Variants in PCNX1 observed in about 807,000 individuals in gnomAD.
The protein encoded by PCNX1 is pecanex-like protein 1.
Under a neutral mutation model 242.2 loss-of-function variants are expected in PCNX1, and 78 were observed. The ratio of observed to expected loss-of-function variants is 0.32; its 90% CI spans 0.27 to 0.39. The LOEUF (loss-of-function observed/expected upper bound fraction) is 0.39, where lower values mean the gene tolerates loss of function less well. Ranked by LOEUF, PCNX1 falls within the 10% of genes least tolerant of loss-of-function variation. The pLI, the probability that PCNX1 is intolerant of heterozygous loss-of-function variation, is 1.00. For missense variants in PCNX1, 2,581 were observed against 2,856.5 expected (o/e 0.90, Z 2.20); for synonymous variants, 1,024 against 1,032.9 (o/e 0.99, Z 0.17).
chr14:70,973,638 C>T (rs910748790), intron 5 of PCNX1, among the ~76,000 whole-genome samples: 10 of 151,484 alleles, frequency 6.6e-5, no homozygotes, highest in African/African-American at 9.7e-5. Flanking sequence ...TGAGGGATTT[C>T]GATTTTGTAA....
chr14:71,109,671 GATT>G, intron 35 of PCNX1, 79 bp downstream of exon 35: 1 of 1,575,826 alleles, frequency 6.3e-7, no homozygotes, highest in Non-Finnish European at 8.7e-7. Context: ...GGTTTTAGCT[GATT>G]TATACTTAAA....
At chr14:70,970,705 G>C (rs954416277) in intron 5 of PCNX1, among the ~76,000 whole-genome samples, 34 of 152,196 alleles carry the variant, frequency 2.2e-4, no homozygotes, top group African/African-American at 8.2e-4. Flanking sequence ...GGACCAGATA[G>C]CTTTGTAGGC....
chr14:70,978,509 G>A lies in PCNX1; in HGVS notation c.2172G>A (p.Glu724=). ...KPLTTSKSDL[E]AKEGEVLDEL... ...TAACCACTTCAAAATCAGATCTTGA[G>A]GCCAAAGAGGGAGAGGTGCTAGATG... Residue 724 remains glutamate, a synonymous_variant, in exon 6 of 36, where the codon GAG becomes GAA. Transcript: ENST00000304743. 2 of 1,614,142 alleles carry A rather than the reference G, an allele frequency of 1.2e-6. No homozygotes were observed. Among genetic ancestry groups the A allele is most frequent in the Non-Finnish European group, 8.5e-7 (1 of 1,180,014 alleles).
chr14:71,051,679 A>G (rs2061039644), intron 23 of PCNX1, among the ~76,000 whole-genome samples: 1 of 152,230 alleles, frequency 6.6e-6, no homozygotes, highest in Middle Eastern at 3.2e-3. Context: ...CTTTGAAAGC[A>G]GCATACCAGG....
chr14:71,041,358 T>G (rs1370864288), intron 19 of PCNX1, among the ~76,000 whole-genome samples: 1 of 152,170 alleles, frequency 6.6e-6, no homozygotes, highest in Non-Finnish European at 1.5e-5. Flanking sequence ...TGACTTTTTA[T>G]TATGGCTTTG....
chr14:71,103,505 G>A lies in PCNX1; in HGVS notation c.5931G>A (p.Leu1977=). 6.2e-7 allele frequency: 1 copy of A among 1,614,182 alleles called. No homozygotes were observed. Among genetic ancestry groups the A allele is most frequent in the African/African-American group, 1.3e-5 (1 of 75,046 alleles). The change falls in exon 32 of 36, where the codon CTG becomes CTA. Residue 1977 remains leucine (L), a synonymous_variant. Coordinates refer to ENST00000304743, the MANE Select transcript of PCNX1 (RefSeq NM_014982.3). Reference sequence around the variant, plus strand: ...GCATCCAAAATGCAAAGCAAGCCCTGAGAAACATGATAAACTCATCTTGTG... The same window carrying A: ...GCATCCAAAATGCAAAGCAAGCCCTAAGAAACATGATAAACTCATCTTGTG... The part of the protein sequence containing the change: ...RGSIQNAKQA[L]RNMINSSCDQ...
At chr14:71,068,542 C>G (rs2061509045) in intron 26 of PCNX1, among the ~76,000 whole-genome samples, 1 of 147,768 alleles carries the variant, frequency 6.8e-6, no homozygotes, top group Non-Finnish European at 1.5e-5. Context: ...TGAATCCGTC[C>G]AGTCCTGGAC....
intron 19 of PCNX1, among the ~76,000 whole-genome samples, chr14:71,039,667 GCTGA>G (rs1319417219): frequency 6.6e-6 from 1 of 152,190 alleles, no homozygotes; most frequent in East Asian, 1.9e-4. Flanking sequence ...CATTTCAGAA[GCTGA>G]CTACCACAGT....
chr14:71,058,122 A>G lies in PCNX1; in HGVS notation c.4852+398A>G, dbSNP rs2061232069. Among the ~76,000 whole-genome samples the G allele has an allele frequency of 2.0e-5, 3 of 152,226 alleles. 1 individual carries two copies. Among genetic ancestry groups the G allele is most frequent in the Non-Finnish European group, 4.4e-5 (3 of 68,038 alleles). ...ACTGAGTTATGTTCATATAAACACC[A>G]TGCCTTTGTCTTCCAACAATTTTTT... On this transcript the variant is annotated intron_variant, in intron 26 of 35. Transcript: ENST00000304743.
intron 32 of PCNX1, 95 bp from the exon 33 acceptor site, chr14:71,105,140 T>G: frequency 1.2e-6 from 1 of 864,378 alleles, no homozygotes; most frequent in Non-Finnish European, 1.9e-6. Context: ...TGAACATTAG[T>G]AGCATTTGCA....
At chr14:70,915,187 G>A (rs1327479165) in intron 1 of PCNX1, among the ~76,000 whole-genome samples, 1 of 151,036 alleles carries the variant, frequency 6.6e-6, no homozygotes, top group Non-Finnish European at 1.5e-5. Flanking sequence ...TAGATGAGCA[G>A]CTAGGCTCTT....
chr14:70,993,108 A>C (rs1402703822), intron 7 of PCNX1, among the ~76,000 whole-genome samples: 2 of 145,918 alleles, frequency 1.4e-5, no homozygotes, highest in Non-Finnish European at 3.0e-5. Flanking sequence ...AATTTTAATA[A>C]AAATTATCTA....
chr14:70,994,396 G>GATATATGTGT (rs1371763584), intron 7 of PCNX1, among the ~76,000 whole-genome samples: 3 of 96,970 alleles, frequency 3.1e-5, no homozygotes, highest in African/African-American at 1.2e-4. Context: ...ACAGGCTTAA[G>GATATATGTGT]ATATATATAT....
At chr14:71,075,231 TTC>T (rs1210424068) in intron 27 of PCNX1, among the ~76,000 whole-genome samples, 2 of 152,042 alleles carry the variant, frequency 1.3e-5, no homozygotes, top group South Asian at 4.1e-4. Flanking sequence ...GCTCAAGCAG[TTC>T]TCCCACACTG....
At chr14:70,913,092 C>T (rs1199586599) in intron 1 of PCNX1, among the ~76,000 whole-genome samples, 3 of 152,124 alleles carry the variant, frequency 2.0e-5, no homozygotes, top group Admixed American at 6.5e-5. Flanking sequence ...CTTGTTTGTC[C>T]TCTCGATCAT....
intron 33 of PCNX1, among the ~76,000 whole-genome samples, chr14:71,107,219 T>G (rs1222885255): frequency 6.6e-6 from 1 of 152,126 alleles, no homozygotes; most frequent in Admixed American, 6.5e-5. Flanking sequence ...TCTAAGACAT[T>G]TACTTAAATG....
chr14:70,929,212 G>A (rs937800023), intron 1 of PCNX1, among the ~76,000 whole-genome samples: 5 of 151,776 alleles, frequency 3.3e-5, no homozygotes, highest in South Asian at 4.2e-4. Flanking sequence ...TTGGAAACTC[G>A]GGGAAAGCTC....
At chr14:71,101,098 T>C (rs1308283158) in intron 30 of PCNX1, among the ~76,000 whole-genome samples, 1 of 152,226 alleles carries the variant, frequency 6.6e-6, no homozygotes, top group Non-Finnish European at 1.5e-5. Flanking sequence ...TATTCCTTCT[T>C]ACTCTCCCTC....
intron 8 of PCNX1, among the ~76,000 whole-genome samples, chr14:71,003,301 G>C (rs1232415925): frequency 6.6e-6 from 1 of 151,948 alleles, no homozygotes. Context: ...ATGTTGGTCA[G>C]ACTGGTCTCG....
Sources: gnomAD v4.1 joint callset for allele counts (sites outside exome capture counted in the v4.1 genomes callset) on GRCh38, gnomAD v4.1.1 for gene constraint, MANE v1.5 for transcripts, NCBI Gene and HGNC (gene_info 2026-07-23, HGNC 2026-07-21) for gene names.